Variants in CACNA1C observed in about 807,000 individuals in gnomAD.
CACNA1C encodes calcium voltage-gated channel subunit alpha1 C.
A neutral mutation model predicts 229.0 loss-of-function variants in CACNA1C; 30 were observed. The observed-to-expected ratio is 0.13, with a 90% confidence interval of 0.10 to 0.18. The LOEUF (loss-of-function observed/expected upper bound fraction) is 0.18, where lower values mean the gene tolerates loss of function less well. CACNA1C is among the 10% of genes least tolerant of loss of function. CACNA1C has a pLI of 1.00. For synonymous variants in CACNA1C, 1,114 were observed against 1,132.5 expected, an observed-to-expected ratio of 0.98 and a Z score of 0.33; for missense variants, 1,658 against 2,845.0, an observed-to-expected ratio of 0.58 and a Z score of 9.49.
intron 1 of CACNA1C, among the ~76,000 whole-genome samples, chr12:2,033,402 T>A (rs1037792915): frequency 3.3e-5 from 5 of 152,114 alleles, no homozygotes; most frequent in Non-Finnish European, 7.4e-5. Flanking sequence ...AGGACATGGA[T>A]CCCATTTTCT....
chr12:2,556,858 C>G lies in CACNA1C; in HGVS notation c.1482-93C>G. The G allele has an allele frequency of 8.7e-6, 9 of 1,032,088 alleles. No individual in the cohort carries two copies. The East Asian group carries it at 1.7e-4, about 19-fold the overall frequency. 63.9% of individuals were successfully genotyped at this position (1,032,088 alleles called of 1,614,324 possible). A position where few individuals can be genotyped will look rare whatever the true frequency, so the allele number is the denominator to read the frequency against. ...CCTTCCAGCACCCACACGAAATTAC[C>G]TGGGGAACATCAAATTTCCCTGGGA... On this transcript the variant is annotated intron_variant, in intron 10 of 46. Transcript: ENST00000399655.
intron 18 of CACNA1C, among the ~76,000 whole-genome samples, chr12:2,587,128 A>G (rs2062825507): frequency 6.6e-6 from 1 of 152,184 alleles, no homozygotes; most frequent in African/African-American, 2.4e-5. Context: ...AATATTTTGT[A>G]GTTCTGTTTT....
At chr12:2,593,122 A>G in intron 18 of CACNA1C, 91 bp from the exon 19 acceptor site, 2 of 1,410,102 alleles carry the variant, frequency 1.4e-6, no homozygotes, top group East Asian at 2.4e-5. Context: ...TTTCAGAGCC[A>G]TAATCATGTC....
intron 3 of CACNA1C, among the ~76,000 whole-genome samples, chr12:2,206,829 C>T (rs1053340519): frequency 2.6e-5 from 4 of 152,186 alleles, no homozygotes; most frequent in South Asian, 2.1e-4. Context: ...CAGACCATCT[C>T]CCACATGAAT....
At chr12:2,583,038 G>C in intron 15 of CACNA1C, 96 bp downstream of exon 15, 1 of 878,260 alleles carries the variant, frequency 1.1e-6, no homozygotes, top group Non-Finnish European at 1.8e-6. Context: ...GGGCGGTCCT[G>C]CTCGGGCTCA....
At position 2,342,169 on chromosome 12, in the gene CACNA1C, C is replaced by T. The variant is rs538538096; in HGVS notation, c.478-106807C>T. On this transcript the variant is annotated intron_variant, in intron 3 of 46. Coordinates refer to ENST00000399655, the MANE Select transcript of CACNA1C (RefSeq NM_000719.7). ...CTTGGCTCCCTTGAGCGGTGTCACCCGACAGATTGCAGTATGATTGTCATT... is the reference window on the plus strand; with the variant it reads ...CTTGGCTCCCTTGAGCGGTGTCACCTGACAGATTGCAGTATGATTGTCATT... 2.6e-5 allele frequency among the ~76,000 whole-genome samples: 4 copies of T among 152,276 alleles called. No homozygotes were observed. The South Asian group carries it at 6.2e-4, about 24-fold the overall frequency.
intron 3 of CACNA1C, among the ~76,000 whole-genome samples, chr12:2,340,736 T>C (rs1242543231): frequency 1.3e-5 from 2 of 152,158 alleles, no homozygotes; most frequent in African/African-American, 4.8e-5. Flanking sequence ...GGCTGGCAGA[T>C]CACGAGGTCA....
At chr12:2,100,582 CAA>C (rs71441677) in intron 1 of CACNA1C, among the ~76,000 whole-genome samples, 754 of 66,440 alleles carry the variant, frequency 0.011, 4 homozygotes, top group African/African-American at 0.037. Context: ...CTGTTTCTAC[CAA>C]AAAAAAAAAA....
chr12:2,245,447 C>T (rs2072714768), intron 3 of CACNA1C, among the ~76,000 whole-genome samples: 1 of 152,208 alleles, frequency 6.6e-6, no homozygotes, highest in African/African-American at 2.4e-5. Flanking sequence ...TAAACCTCTC[C>T]TTGCCGGGAG....
At position 2,056,643 on chromosome 12, in the gene CACNA1C, T is replaced by C. The variant is rs78015496; in HGVS notation, c.49+3032T>C. On this transcript the variant is annotated intron_variant, in intron 1 of 46. Transcript: ENST00000399655. ...GATCACAGTTAACTTTCTTTACAAA[T>C]GGTCAGAGAACAACATTGCTCGCAC... Among the ~76,000 whole-genome samples, 1,314 of 152,292 alleles carry C rather than the reference T, an allele frequency of 8.6e-3. 13 individuals are homozygous for C. Among genetic ancestry groups the C allele is most frequent in the African/African-American group, 0.024 (980 of 41,568 alleles).
intron 3 of CACNA1C, among the ~76,000 whole-genome samples, chr12:2,145,246 T>G (rs1281711456): frequency 6.6e-6 from 1 of 151,174 alleles, no homozygotes; most frequent in African/African-American, 2.4e-5. Flanking sequence ...AAAAAAATGG[T>G]TATAGTTAAT....
chr12:2,177,583 CCCTCCCTTCCTTCCTTCCTTCCTT>C (rs1380437975), intron 3 of CACNA1C, among the ~76,000 whole-genome samples: 8 of 63,578 alleles, frequency 1.3e-4, no homozygotes, highest in African/African-American at 5.4e-4. Context: ...CTCCCTCCCT[CCCTCCCTTCCTTCCTTCCTTCCTT>C]CCTTCCTTCC....
chr12:1,975,084 A>G (rs984257918), intron 1 of CACNA1C, among the ~76,000 whole-genome samples: 1 of 152,166 alleles, frequency 6.6e-6, no homozygotes, highest in Non-Finnish European at 1.5e-5. Context: ...AGTCTAGCCA[A>G]AGGAGCCTAG....
At chr12:1,975,130 T>A (rs1285375787) in intron 1 of CACNA1C, among the ~76,000 whole-genome samples, 9 of 152,150 alleles carry the variant, frequency 5.9e-5, no homozygotes, top group Admixed American at 5.9e-4. Flanking sequence ...CAGAGTTTCT[T>A]TATTTTTTCA....
chr12:2,684,812 A>C (rs928928809), intron 43 of CACNA1C, among the ~76,000 whole-genome samples: 4 of 152,190 alleles, frequency 2.6e-5, no homozygotes, highest in African/African-American at 9.7e-5. Context: ...CTAGTCTTGA[A>C]GGTATAAATA....
Position 1,995,359 on chromosome 12 carries a change from T to G in CACNA1C, c.139+24158T>G, listed in dbSNP as rs149729962. On this transcript the variant is annotated intron_variant, in intron 1 of 46. Transcript: ENST00000682462. ...CCTGTGTGCATGGCACATAGTACAG[T>G]GCAACCCTATGGCTTTTGTTGTAAA... Among the ~76,000 whole-genome samples, 90 of 152,384 alleles carry G rather than the reference T, an allele frequency of 5.9e-4. 1 individual carries two copies. In the East Asian group the frequency reaches 0.01, roughly 17 times the overall value.
chr12:2,336,123 C>T (rs1029634439), intron 3 of CACNA1C, among the ~76,000 whole-genome samples: 9 of 151,792 alleles, frequency 5.9e-5, no homozygotes, highest in Non-Finnish European at 8.8e-5. Flanking sequence ...GAGAAACTGG[C>T]AAAGCATGGA....
At chr12:2,216,579 C>G (rs1013581069) in intron 3 of CACNA1C, among the ~76,000 whole-genome samples, 1 of 152,124 alleles carries the variant, frequency 6.6e-6, no homozygotes, top group Non-Finnish European at 1.5e-5. Flanking sequence ...GAAGGGCCCC[C>G]CAGAAGAAGA....
intron 1 of CACNA1C, among the ~76,000 whole-genome samples, chr12:2,076,882 G>A (rs2063403892): frequency 6.6e-6 from 1 of 152,174 alleles, no homozygotes; most frequent in East Asian, 1.9e-4. Flanking sequence ...CTGCTATACG[G>A]CACTTTCTAC....
Sources: allele counts gnomAD v4.1 joint callset (sites outside exome capture counted in the v4.1 genomes callset), GRCh38; gene constraint gnomAD v4.1.1; transcripts MANE v1.5; gene names NCBI Gene and HGNC (gene_info 2026-07-23, HGNC 2026-07-21).